MYH16: variants seen among roughly 807,000 people sequenced by gnomAD.
MYH16 encodes the protein putative uncharacterized protein MYH16.
intron 15 of MYH16, chr7:99,265,008 GT>G (rs1024575455): frequency 6.5e-6 from 1 of 152,680 alleles, no homozygotes; most frequent in African/African-American, 2.4e-5. Context: ...TCAGTTTTAA[GT>G]GAATAAACTT....
chr7:99,289,553 T>A (rs138207582), intron 30 of MYH16, 149 bp downstream of exon 11: 56 of 177,098 alleles, frequency 3.2e-4, no homozygotes, highest in Non-Finnish European at 4.8e-4. Context: ...CTGCTGAATG[T>A]TCCAAGTAAC....
chr7:99,260,314 T>C (rs2150811227), exon 12 of MYH16: 1 of 1,389,526 alleles, frequency 7.2e-7, no homozygotes, highest in Non-Finnish European at 1.0e-6. Flanking sequence ...CCTTCAGGCC[T>C]GCATCGACCT....
intron 11 of MYH16, among the ~76,000 whole-genome samples, chr7:99,258,618 G>A (rs55751181): frequency 0.018 from 2,759 of 152,254 alleles, 74 homozygotes; most frequent in African/African-American, 0.063. Context: ...AGGATGGGAT[G>A]AGTGGTGTGC....
intron 31 of MYH16, among the ~76,000 whole-genome samples, chr7:99,291,946 GAA>G (rs942821164): frequency 6.7e-6 from 1 of 148,314 alleles, no homozygotes; most frequent in African/African-American, 2.5e-5. Flanking sequence ...TCGGTCTCAG[GAA>G]AAAAAAAAGT....
chr7:99,280,914 C>A (rs1792191676), exon 23 of MYH16: 1 of 421,924 alleles, frequency 2.4e-6, no homozygotes, highest in South Asian at 1.7e-5. Flanking sequence ...CGGGGGACCT[C>A]TCACTCCGTG....
chr7:99,285,465 G>A (rs922619816), intron 27 of MYH16, 27 bp downstream of exon 9: 1 of 456,550 alleles, frequency 2.2e-6, no homozygotes, highest in African/African-American at 2.0e-5. Context: ...TCCCCTTCTT[G>A]AGTCAAAAGA....
At chr7:99,277,436 T>C (rs1214626423) in intron 20 of MYH16, 103 bp from the exon 3 acceptor site, 1 of 363,546 alleles carries the variant, frequency 2.8e-6, no homozygotes, top group East Asian at 7.4e-5. Flanking sequence ...CCCACCACAG[T>C]GGTGCTGTGA....
chr7:99,303,884 G>C (rs1045664823), intron 39 of MYH16, among the ~76,000 whole-genome samples: 2 of 152,190 alleles, frequency 1.3e-5, no homozygotes, highest in Non-Finnish European at 2.9e-5. Context: ...TGAGCCCAGG[G>C]ACGCAGAGGA....
chr7:99,307,318 T>A (rs1016116859), downstream of MYH16, among the ~76,000 whole-genome samples: 12 of 152,328 alleles, frequency 7.9e-5, no homozygotes, highest in African/African-American at 2.9e-4. Context: ...ACAGCTACCA[T>A]TTCTTGAACA....
intron 36 of MYH16, among the ~76,000 whole-genome samples, chr7:99,298,236 G>T (rs1281675725): frequency 7.6e-4 from 108 of 141,286 alleles, no homozygotes; most frequent in Middle Eastern, 3.6e-3. Flanking sequence ...GTTCTTTTTG[G>T]TTTTTTTTTT....
intron 3 of MYH16, chr7:99,248,947 T>G (rs1279823018): frequency 2.0e-5 from 3 of 152,682 alleles, no homozygotes; most frequent in Non-Finnish European, 4.4e-5. Flanking sequence ...AGTTTCTAAA[T>G]GTTCCTAATT....
intron 30 of MYH16, among the ~76,000 whole-genome samples, chr7:99,289,798 A>C (rs1792342358): frequency 6.6e-6 from 1 of 152,256 alleles, no homozygotes. Context: ...TTTGAAAGGC[A>C]GAGATTTACA....
chr7:99,263,724 G>A (rs1044017444), intron 14 of MYH16, among the ~76,000 whole-genome samples: 1 of 152,176 alleles, frequency 6.6e-6, no homozygotes, highest in African/African-American at 2.4e-5. Flanking sequence ...TAGGTGGATG[G>A]ATACTGCTTT....
intron 21 of MYH16, among the ~76,000 whole-genome samples, chr7:99,278,858 G>T (rs1188726554): frequency 5.9e-5 from 9 of 152,110 alleles, no homozygotes; most frequent in African/African-American, 1.7e-4. Context: ...TCCCCATTTT[G>T]TTTGTGAAGG....
At chr7:99,247,293 C>T (rs1791744560) in intron 2 of MYH16, among the ~76,000 whole-genome samples, 1 of 152,208 alleles carries the variant, frequency 6.6e-6, no homozygotes, top group South Asian at 2.1e-4. Context: ...CTGCCTCAGC[C>T]TTCCAAGTAG....
chr7:99,277,453 G>T, intron 20 of MYH16, 86 bp from the exon 3 acceptor site: 1 of 387,578 alleles, frequency 2.6e-6, no homozygotes. Flanking sequence ...GTGAGGTCAC[G>T]CCTGAGGCAG....
At chr7:99,259,845 A>G (rs199965692) in intron 11 of MYH16, among the ~76,000 whole-genome samples, 133 of 137,364 alleles carry the variant, frequency 9.7e-4, no homozygotes, top group Middle Eastern at 3.8e-3. Flanking sequence ...ATATGTATGT[A>G]TGTGTATATA....
At chr7:99,303,944 A>G (rs1792644927) in intron 39 of MYH16, among the ~76,000 whole-genome samples, 1 of 152,178 alleles carries the variant, frequency 6.6e-6, no homozygotes, top group African/African-American at 2.4e-5. Context: ...TTGGCAGGAT[A>G]TGCCCCCAAG....
chr7:99,273,448 G>T (rs57685378), intron 20 of MYH16, 25 bp downstream of exon 2: 7 of 456,400 alleles, frequency 1.5e-5, no homozygotes, highest in East Asian at 1.4e-4. Flanking sequence ...GCCAGGCCAG[G>T]GGGGACTGCT....
Sources: gnomAD v4.1 joint callset for allele counts (sites outside exome capture counted in the v4.1 genomes callset) on GRCh38, gnomAD v4.1.1 for gene constraint, MANE v1.5 for transcripts, NCBI Gene and HGNC (gene_info 2026-07-23, HGNC 2026-07-21) for gene names.